Variants in IGFN1 observed in about 807,000 individuals in gnomAD.
IGFN1 encodes immunoglobulin-like and fibronectin type III domain-containing protein 1.
Under a neutral mutation model 289.5 loss-of-function variants are expected in IGFN1, and 253 were observed. The observed-to-expected ratio is 0.87, with a 90% confidence interval of 0.79 to 0.97. IGFN1 has a LOEUF of 0.97. IGFN1 is among the 50% of genes least tolerant of loss of function. The pLI is 0.00. For synonymous variants in IGFN1, 1,706 were observed against 1,788.5 expected (o/e 0.95, Z 1.16); for missense variants, 4,470 against 4,686.1 (o/e 0.95, Z 1.35).
rs532848908 is a variant in IGFN1, at chr1:201,194,266, G to A, written c.120G>A (p.Leu40=). ...DFEQKPVTSA[L]PEGKNAVFRA... is the part of the protein sequence containing the mutation. ...AGCAGAAGCCCGTCACCTCGGCTCTGCCAGAGGGTGAGCCCAGAGGGGAGC... is the reference window on the plus strand; with the variant it reads ...AGCAGAAGCCCGTCACCTCGGCTCTACCAGAGGGTGAGCCCAGAGGGGAGC... Residue 40 remains leucine, a synonymous_variant, in exon 3 of 24, where the codon CTG becomes CTA. Coordinates refer to ENST00000335211, the MANE Select transcript of IGFN1 (RefSeq NM_001164586.2). 6 of 1,551,394 alleles carry A rather than the reference G, an allele frequency of 3.9e-6. No individual in the cohort carries two copies. The South Asian group carries it at 7.1e-5, about 18-fold the overall frequency.
intron 6 of IGFN1, 23 bp from the exon 7 acceptor site, chr1:201,199,586 C>T: frequency 6.5e-7 from 1 of 1,548,562 alleles, no homozygotes; most frequent in Admixed American, 2.0e-5. Context: ...GGGACTGAGG[C>T]CTCATTCCTG....
rs72468019 is a variant in IGFN1 at position 201,209,691 on chromosome 1, G to A, written c.4798G>A (p.Ala1600Thr). 19,354 of 741,600 alleles carry A rather than the reference G, an allele frequency of 0.026. 6 individuals are homozygous for A. Among genetic ancestry groups the A allele is most frequent in the Admixed American group, 0.033 (876 of 26,630 alleles). The allele number at this position is 741,600 out of a possible 1,614,324, so 45.9% of individuals were successfully genotyped here. The change falls in exon 12 of 24, where the codon GCA (alanine) becomes ACA (threonine). Residue 1600 changes from alanine (A) to threonine (T), a missense_variant. Coordinates refer to ENST00000335211, the MANE Select transcript of IGFN1 (RefSeq NM_001164586.2). ...GSGEMGSVNE[A>T]GYRKDLGVPE... ...TGGAGAAATGGGGTCAGTGAATGAA[G>A]CAGGTTATAGGAAGGACTTGGGGGT...
Position 201,212,564 on chromosome 1 carries a change from C to T in IGFN1, c.7671C>T (p.Gly2557=), listed in dbSNP as rs1667870376. 1.3e-6 allele frequency: 2 copies of T among 1,549,614 alleles called. No individual in the cohort carries two copies. The highest frequency in any genetic ancestry group is 1.7e-6 in the Non-Finnish European group (2 of 1,146,578). ...SGYERDIWKA[G]PGMTDRGRVA... is the part of the protein sequence containing the mutation. Reference sequence around the variant, plus strand: ...ATGAACGGGACATCTGGAAAGCAGGCCCAGGAATGACAGACAGGGGTAGAG... The same window carrying T: ...ATGAACGGGACATCTGGAAAGCAGGTCCAGGAATGACAGACAGGGGTAGAG... The change falls in exon 12 of 24, where the codon GGC becomes GGT. Residue 2557 remains glycine, a synonymous_variant. Coordinates refer to ENST00000335211, the MANE Select transcript of IGFN1 (RefSeq NM_001164586.2).
chr1:201,214,317 A>C lies in IGFN1; in HGVS notation c.8853+16A>C. 1 of 1,594,550 alleles carries C rather than the reference A, an allele frequency of 6.3e-7. No homozygotes were observed. The highest frequency in any genetic ancestry group is 1.3e-5 in the African/African-American group (1 of 74,746). On this transcript the variant is annotated intron_variant, in intron 13 of 23. Coordinates refer to ENST00000335211, the MANE Select transcript of IGFN1 (RefSeq NM_001164586.2). ...TGGCGTCAAGGTACTGCCTCCCCTC[A>C]CACCTTCTCTTTACCAGTGGGAGGG... is the stretch of plus-strand genomic sequence containing the variant.
chr1:201,216,215 A>G (rs1481216303), intron 15 of IGFN1: 3 of 600,376 alleles, frequency 5.0e-6, no homozygotes, highest in African/African-American at 1.9e-5. Context: ...GGGCTGGTGC[A>G]TTCCATGGCA....
In IGFN1 at chr1:201,205,228, G is replaced by A; in HGVS notation, c.1063G>A (p.Glu355Lys). Residue 355 changes from glutamate to lysine, a missense_variant, in exon 11 of 24, where the codon GAA (glutamate) becomes AAA (lysine). Transcript: ENST00000335211. ...HRLLHPSDKY[E>K]VYVSPDGLTH... ...GCTACTCCACCCCAGTGACAAATAT[G>A]AAGTGTATGTGTCCCCTGACGGGCT... 6.4e-7 allele frequency: 1 copy of A among 1,551,126 alleles called. No homozygotes were observed. The highest frequency in any genetic ancestry group is 1.2e-5 in the South Asian group (1 of 84,054).
intron 23 of IGFN1, among the ~76,000 whole-genome samples, chr1:201,227,571 G>T (rs1288017616): frequency 2.0e-5 from 3 of 151,852 alleles, no homozygotes; most frequent in Admixed American, 6.6e-5. Flanking sequence ...GGGATTACAG[G>T]CATCCGCCAC....
Position 201,209,064 on chromosome 1 carries a change from G to A in IGFN1, c.4171G>A (p.Gly1391Ser). The A allele has an allele frequency of 6.5e-7, 1 of 1,536,880 alleles. No individual in the cohort carries two copies. Among genetic ancestry groups the A allele is most frequent in the Non-Finnish European group, 8.7e-7 (1 of 1,146,816 alleles). ...GGGGGTTCCTGAGGGAATGGGTGCA[G>A]GTTACAGGGCTGGTTTAAGGGGTCC... ...DLGVPEGMGA[G>S]YRAGLRGPGE... is the part of the protein sequence containing the mutation. The change falls in exon 12 of 24, where the codon GGT becomes AGT. Residue 1391 changes from glycine (G) to serine (S), a missense_variant. Gly to Ser is a moderately conservative substitution (Grantham distance 56). This residue lies in a region of IGFN1 where 2,011 missense variants were observed against 1,953.4 expected (regional missense o/e 1.03). Coordinates refer to ENST00000335211, the MANE Select transcript of IGFN1 (RefSeq NM_001164586.2).
chr1:201,197,170 G>A (rs1421825674), intron 4 of IGFN1, 48 bp from the exon 5 acceptor site: 4 of 1,157,388 alleles, frequency 3.5e-6, no homozygotes, highest in Non-Finnish European at 5.1e-6. Flanking sequence ...AGTAAATGGA[G>A]GAAGGGGATG....
intron 22 of IGFN1, 107 bp from the exon 23 acceptor site, chr1:201,226,775 A>G: frequency 2.4e-6 from 2 of 834,188 alleles, no homozygotes; most frequent in South Asian, 1.9e-5. Flanking sequence ...AGGAAATCCC[A>G]GATAAGGCCT....
Position 201,214,184 on chromosome 1 carries a change from G to A in IGFN1, c.8736G>A (p.Met2912Ile), listed in dbSNP as rs905580478. 6.2e-6 allele frequency: 10 copies of A among 1,612,138 alleles called. No homozygotes were observed. The East Asian group carries it at 1.3e-4, about 22-fold the overall frequency. ...CCCTCTGTGTCTCTCCAGGCCCCAT[G>A]GGCCACTTCTCCCAGGGCCTGGCTG... is the stretch of plus-strand genomic sequence containing the variant. ...GSFSKDAQGP[M>I]GHFSQGLADM... is the part of the protein sequence containing the mutation. Residue 2912 changes from methionine (M) to isoleucine (I), a missense_variant, in exon 13 of 24, where the codon ATG (methionine) becomes ATA (isoleucine). Coordinates refer to ENST00000335211, the MANE Select transcript of IGFN1 (RefSeq NM_001164586.2).
intron 15 of IGFN1, chr1:201,216,197 G>T (rs926874454): frequency 5.3e-5 from 32 of 600,852 alleles, no homozygotes; most frequent in Middle Eastern, 4.4e-4. Context: ...GGACGGTGGG[G>T]CCGGGAGGGG....
In IGFN1 at chr1:201,212,744, T is replaced by A. The variant is rs1164848362; in HGVS notation, c.7851T>A (p.Asp2617Glu). 6.4e-7 allele frequency: 1 copy of A among 1,551,458 alleles called. No individual in the cohort carries two copies. Among genetic ancestry groups the A allele is most frequent in the Non-Finnish European group, 8.7e-7 (1 of 1,146,886 alleles). The change falls in exon 12 of 24, where the codon GAT (aspartate) becomes GAA (glutamate). Residue 2617 changes from aspartate to glutamate, a missense_variant. Asp to Glu is a conservative substitution (Grantham distance 45, BLOSUM62 2). Around this residue, in one of 8 missense-constraint regions of IGFN1, gnomAD observed 2,218 missense variants for 2,114.1 expected, o/e 1.05. Transcript: ENST00000335211. ...GRGKSTSGPA[D>E]RQGTSNAWAP... is the part of the protein sequence containing the mutation. ...GCAAGTCAACATCAGGGCCTGCTGA[T>A]AGACAAGGGACGAGCAATGCTTGGG... is the stretch of plus-strand genomic sequence containing the variant.
rs1667770148 is a variant in IGFN1, at chr1:201,211,270, A to T, written c.6377A>T (p.Asp2126Val). 1.3e-6 allele frequency: 2 copies of T among 1,529,320 alleles called. No homozygotes were observed. Among genetic ancestry groups the T allele is most frequent in the Non-Finnish European group, 1.7e-6 (2 of 1,143,784 alleles). The allele number at this position is 1,529,320 out of a possible 1,614,324, so 94.7% of individuals were successfully genotyped here. Residue 2126 changes from aspartate (D) to valine (V), a missense_variant, in exon 12 of 24, where the codon GAT (aspartate) becomes GTT (valine). This residue lies in a region of IGFN1 where 2,218 missense variants were observed against 2,114.1 expected (regional missense o/e 1.05). Coordinates refer to ENST00000335211, the MANE Select transcript of IGFN1 (RefSeq NM_001164586.2). The part of the protein sequence containing the change: ...IGSGSKAGFR[D>V]GLGSSTEMGS... ...TCAGGAAGTAAGGCAGGTTTTAGGG[A>T]TGGTTTAGGGAGTTCTACAGAAATG...
rs1029338371 is a variant in IGFN1, at chr1:201,199,762, A to G, written c.458+108A>G. The G allele has an allele frequency of 1.3e-5, 12 of 929,690 alleles. No homozygotes were observed. The Admixed American group carries it at 1.4e-4, about 11-fold the overall frequency. 57.6% of individuals were successfully genotyped at this position (929,690 alleles called of 1,614,324 possible). On this transcript the variant is annotated intron_variant, in intron 7 of 23. Transcript: ENST00000335211. ...GAGCCCCACCTCTACCCAACACAGC[A>G]GGGAGCTAGACTGCCAGTAGCAGAT...
At position 201,203,862 on chromosome 1, in the gene IGFN1, A is replaced by T. The variant is rs1447097242; in HGVS notation, c.872A>T (p.Lys291Met). ...RPEDSGIYQV[K>M]VEDAVVFSTE... is the part of the protein sequence containing the mutation. The stretch of plus-strand genomic sequence containing the variant: ...GAGGACTCTGGCATTTACCAGGTCA[A>T]GGTGGAGGATGCTGTGGTCTTCTCC... The change falls in exon 10 of 24, where the codon AAG becomes ATG. Residue 291 changes from lysine (K) to methionine (M), a missense_variant. Transcript: ENST00000335211. The T allele has an allele frequency of 1.3e-6, 2 of 1,551,750 alleles. No homozygotes were observed. Among genetic ancestry groups the T allele is most frequent in the Non-Finnish European group, 1.7e-6 (2 of 1,147,006 alleles).
Position 201,211,187 on chromosome 1 carries a change from G to A in IGFN1, c.6294G>A (p.Met2098Ile), listed in dbSNP as rs1440775855. The change falls in exon 12 of 24, where the codon ATG (methionine) becomes ATA (isoleucine). Residue 2098 changes from methionine (M) to isoleucine (I), a missense_variant. Physicochemically the swap from Met to Ile is conservative, Grantham distance 10. Transcript: ENST00000335211. Reference protein sequence around the residue: ...FRDGLGGSEEMESMDEAGYRK... With the variant: ...FRDGLGGSEEIESMDEAGYRK... ...ATGGTTTAGGGGGTTCTGAAGAAAT[G>A]GAGTCAATGGATGAGGCAGGTTATA... The A allele has an allele frequency of 1.7e-5, 26 of 1,532,694 alleles. No homozygotes were observed. The highest frequency in any genetic ancestry group is 2.2e-5 in the Non-Finnish European group (25 of 1,144,936). 94.9% of individuals were successfully genotyped at this position (1,532,694 alleles called of 1,614,324 possible).
At position 201,225,809 on chromosome 1, in the gene IGFN1, C is replaced by CA; in HGVS notation, c.10487-15_10487-14insA. 1.3e-6 allele frequency: 2 copies of CA among 1,599,020 alleles called. No individual in the cohort carries two copies. Among genetic ancestry groups the CA allele is most frequent in the Non-Finnish European group, 1.7e-6 (2 of 1,173,998 alleles). ...GTCCCCTCCACGTGACCTCCCTCTGCCGTCTCTCCTGAAGCATGCCCGCAG... is the reference window on the plus strand; with the variant it reads ...GTCCCCTCCACGTGACCTCCCTCTGCACGTCTCTCCTGAAGCATGCCCGCAG... On this transcript the variant is annotated splice_polypyrimidine_tract_variant and intron_variant, in intron 21 of 23. Transcript: ENST00000335211.
intron 22 of IGFN1, 65 bp from the exon 23 acceptor site, chr1:201,226,817 C>T (rs1010253522): frequency 3.1e-6 from 4 of 1,272,150 alleles, no homozygotes; most frequent in Non-Finnish European, 4.4e-6. Context: ...TTTACCCAGA[C>T]CCGGGTCTCA....
Sources: allele counts gnomAD v4.1 joint callset (sites outside exome capture counted in the v4.1 genomes callset), GRCh38; gene constraint gnomAD v4.1.1; regional missense constraint gnomAD v4.1.1; transcripts MANE v1.5; gene names NCBI Gene and HGNC (gene_info 2026-07-23, HGNC 2026-07-21).